The following DCDC1 variants were observed in gnomAD, a reference collection of about 807,000 sequenced individuals.
DCDC1 encodes the protein doublecortin domain containing 1, also known as doublecortin domain-containing protein 1.
Under a neutral mutation model 178.3 loss-of-function variants are expected in DCDC1, and 200 were observed. The ratio of observed to expected loss-of-function variants is 1.12; its 90% CI spans 1.00 to 1.26. The LOEUF is 1.26. DCDC1 is among the 50% of genes most tolerant of loss of function. DCDC1 has a pLI of 0.00. For synonymous variants in DCDC1, 690 were observed against 604.8 expected, an observed-to-expected ratio of 1.14 and a Z score of -2.07; for missense variants, 1,983 against 1,749.2, an observed-to-expected ratio of 1.13 and a Z score of -2.38.
At chr11:30,950,234 T>A (rs1463060682) in intron 21 of DCDC1, among the ~76,000 whole-genome samples, 1 of 152,160 alleles carries the variant, frequency 6.6e-6, no homozygotes, top group Non-Finnish European at 1.5e-5. Context: ...CCACCAACCC[T>A]ACACTGTTGG....
intron 20 of DCDC1, among the ~76,000 whole-genome samples, chr11:31,041,408 C>G (rs288464): frequency 6.6e-6 from 1 of 151,938 alleles, no homozygotes; most frequent in Non-Finnish European, 1.5e-5. Flanking sequence ...AAGCAACTTA[C>G]GTTACACTGA....
At chr11:31,043,840 C>T (rs1026613542) in intron 20 of DCDC1, among the ~76,000 whole-genome samples, 1 of 149,022 alleles carries the variant, frequency 6.7e-6, no homozygotes, top group Non-Finnish European at 1.5e-5. Context: ...TTTTTTGTAC[C>T]TTATAAGTGC....
chr11:31,153,512 G>A (rs146134626), intron 9 of DCDC1, among the ~76,000 whole-genome samples: 247 of 152,288 alleles, frequency 1.6e-3, no homozygotes, highest in Non-Finnish European at 2.0e-3. Context: ...GCCAGTCGCA[G>A]TGGCTCACGC....
intron 20 of DCDC1, among the ~76,000 whole-genome samples, chr11:30,988,603 A>G (rs1950794358): frequency 6.6e-6 from 1 of 152,128 alleles, no homozygotes; most frequent in Non-Finnish European, 1.5e-5. Context: ...GCCTTTCTCT[A>G]TCTACAGCAG....
Position 31,127,591 on chromosome 11 carries a change from C to T in DCDC1, c.1363G>A (p.Gly455Ser). The T allele has an allele frequency of 1.4e-6, 1 of 702,598 alleles. No homozygotes were observed. The highest frequency in any genetic ancestry group is 2.3e-4 in the Middle Eastern group (1 of 4,364). 43.5% of individuals were successfully genotyped at this position (702,598 alleles called of 1,614,324 possible). The part of the protein sequence containing the change: ...ELQTAIKSNI[G>S]HLCKLGPQLQ... ...TGGGGGCCAAGTTTACAGAGATGAC[C>T]TATGTTACTTTTGATAGCTGTCTGC... The change falls in exon 11 of 39, where the codon GGT becomes AGT. Residue 455 changes from glycine to serine, a missense_variant. Coordinates refer to ENST00000684477, the MANE Select transcript of DCDC1 (RefSeq NM_001387274.1).
intron 17 of DCDC1, among the ~76,000 whole-genome samples, chr11:31,087,553 T>C (rs1464636107): frequency 6.6e-6 from 1 of 152,140 alleles, no homozygotes; most frequent in African/African-American, 2.4e-5. Context: ...TTTCATTCAG[T>C]TCAAAATACT....
At chr11:31,153,302 T>C (rs1177894344) in intron 9 of DCDC1, among the ~76,000 whole-genome samples, 1 of 152,188 alleles carries the variant, frequency 6.6e-6, no homozygotes, top group Non-Finnish European at 1.5e-5. Flanking sequence ...TCATAGTTAT[T>C]CTCATGTTAT....
chr11:31,328,315 T>G, intron 2 of DCDC1, 29 bp from the exon 3 acceptor site: 1 of 1,530,080 alleles, frequency 6.5e-7, no homozygotes, highest in African/African-American at 1.4e-5. Context: ...GTTATTTAAT[T>G]TTAAATGTAA....
At chr11:30,980,863 C>T (rs775823517) in intron 20 of DCDC1, among the ~76,000 whole-genome samples, 4 of 152,052 alleles carry the variant, frequency 2.6e-5, no homozygotes, top group Non-Finnish European at 1.5e-5. Flanking sequence ...TGTGCATCTG[C>T]CCAAAGGAAG....
chr11:30,961,485 C>T (rs1949094923), intron 20 of DCDC1, among the ~76,000 whole-genome samples: 1 of 152,040 alleles, frequency 6.6e-6, no homozygotes, highest in Non-Finnish European at 1.5e-5. Context: ...ATCAGATTCA[C>T]ATCCCACGAC....
intron 21 of DCDC1, among the ~76,000 whole-genome samples, chr11:30,946,321 T>C (rs899877360): frequency 6.6e-6 from 1 of 152,174 alleles, no homozygotes; most frequent in South Asian, 2.1e-4. Flanking sequence ...TTCAGTCTTT[T>C]CTTGGCTCAT....
intron 20 of DCDC1, among the ~76,000 whole-genome samples, chr11:30,969,128 T>C (rs1949637570): frequency 6.6e-6 from 1 of 152,200 alleles, no homozygotes; most frequent in South Asian, 2.1e-4. Flanking sequence ...GGTAGAATAA[T>C]GGTCCCTCTA....
At chr11:31,034,837 C>T (rs1253539092) in intron 20 of DCDC1, among the ~76,000 whole-genome samples, 2 of 152,166 alleles carry the variant, frequency 1.3e-5, no homozygotes, top group Non-Finnish European at 2.9e-5. Flanking sequence ...TTAATGACTA[C>T]TTTGTGCTAC....
In DCDC1 at chr11:31,305,734, G is replaced by T; in HGVS notation, c.635C>A (p.Ala212Glu). 1 of 1,613,708 alleles carries T rather than the reference G, an allele frequency of 6.2e-7. No homozygotes were observed. Residue 212 changes from alanine (A) to glutamate (E), a missense_variant, in exon 6 of 39, where the codon GCA (alanine) becomes GAA (glutamate). Ala to Glu is a moderately radical substitution (Grantham distance 107). Transcript: ENST00000684477. The stretch of plus-strand genomic sequence containing the variant: ...GCCGTCTGCCAAGAACACTCGTCTT[G>T]CGGCCATGTTCAGATTCAGCTTTTC... ...CTEKLNLNMAARRVFLADGKE... is the reference protein window; with the variant it reads ...CTEKLNLNMAERRVFLADGKE...
chr11:30,976,566 C>T (rs1950114183), intron 20 of DCDC1, among the ~76,000 whole-genome samples: 1 of 151,002 alleles, frequency 6.6e-6, no homozygotes, highest in Admixed American at 6.6e-5. Context: ...AGATGGCCAA[C>T]AGGCATTTGA....
At chr11:30,924,724 G>A (rs1946488006) in intron 23 of DCDC1, among the ~76,000 whole-genome samples, 1 of 152,054 alleles carries the variant, frequency 6.6e-6, no homozygotes, top group Non-Finnish European at 1.5e-5. Context: ...TAACAATTTG[G>A]CCTTCTCCAG....
chr11:31,122,429 G>A (rs1960946282), intron 11 of DCDC1, among the ~76,000 whole-genome samples: 1 of 152,114 alleles, frequency 6.6e-6, no homozygotes, highest in Non-Finnish European at 1.5e-5. Context: ...GCTGATGCTT[G>A]CACCACACCT....
chr11:31,200,885 G>A (rs2136430768), intron 9 of DCDC1, among the ~76,000 whole-genome samples: 1 of 151,722 alleles, frequency 6.6e-6, no homozygotes, highest in Non-Finnish European at 1.5e-5. Context: ...GACATGTCAA[G>A]CTCCCAAGTA....
intron 20 of DCDC1, among the ~76,000 whole-genome samples, chr11:31,046,071 T>G (rs1227220274): frequency 6.6e-6 from 1 of 152,184 alleles, no homozygotes; most frequent in Non-Finnish European, 1.5e-5. Flanking sequence ...CACATCACAA[T>G]CAAGACACTA....
Sources: gnomAD v4.1 joint callset for allele counts (sites outside exome capture counted in the v4.1 genomes callset) on GRCh38, gnomAD v4.1.1 for gene constraint, MANE v1.5 for transcripts, NCBI Gene and HGNC (gene_info 2026-07-23, HGNC 2026-07-21) for gene names.